COX7B2: variants seen among roughly 807,000 people sequenced by gnomAD.
The protein encoded by COX7B2 is cytochrome c oxidase subunit 7B2, mitochondrial.
For missense variants in COX7B2, 109 were observed against 95.9 expected, an observed-to-expected ratio of 1.14 and a Z score of -0.57; for synonymous variants, 37 against 32.1, an observed-to-expected ratio of 1.15 and a Z score of -0.51.
chr4:46,795,496 G>A (rs1212397892), intron 2 of COX7B2, among the ~76,000 whole-genome samples: 1 of 142,104 alleles, frequency 7.0e-6, no homozygotes, highest in Non-Finnish European at 1.5e-5. Flanking sequence ...GTTTGTCAAA[G>A]ATCAGATAGT....
At chr4:46,830,180 C>A (rs1029029770) in intron 2 of COX7B2, among the ~76,000 whole-genome samples, 6 of 151,576 alleles carry the variant, frequency 4.0e-5, no homozygotes, top group African/African-American at 1.4e-4. Flanking sequence ...AAAAATTAGC[C>A]GGGGGTGGTG....
chr4:46,848,643 G>A (rs1359272750), intron 1 of COX7B2, among the ~76,000 whole-genome samples: 1 of 151,952 alleles, frequency 6.6e-6, no homozygotes, highest in African/African-American at 2.4e-5. Flanking sequence ...TACACAAAGT[G>A]GAAAAGTAGG....
At chr4:46,888,595 C>T (rs769077577) in intron 1 of COX7B2, among the ~76,000 whole-genome samples, 1 of 151,944 alleles carries the variant, frequency 6.6e-6, no homozygotes, top group Non-Finnish European at 1.5e-5. Flanking sequence ...AGGCGCCCAC[C>T]ACCATGCCTG....
chr4:46,784,605 A>C (rs1717654914), intron 2 of COX7B2, among the ~76,000 whole-genome samples: 1 of 152,172 alleles, frequency 6.6e-6, no homozygotes, highest in African/African-American at 2.4e-5. Flanking sequence ...AGTCTGGGCG[A>C]CAGGGCAAGA....
At chr4:46,849,753 T>C (rs1421735744) in intron 1 of COX7B2, among the ~76,000 whole-genome samples, 4 of 152,062 alleles carry the variant, frequency 2.6e-5, no homozygotes, top group Non-Finnish European at 5.9e-5. Context: ...TAGTTACACA[T>C]GTATACATGT....
chr4:46,839,811 C>T (rs1715805817), intron 2 of COX7B2, among the ~76,000 whole-genome samples: 1 of 152,014 alleles, frequency 6.6e-6, no homozygotes, highest in African/African-American at 2.4e-5. Context: ...TGTGTCAATA[C>T]TTATATCTTA....
At chr4:46,800,253 A>G (rs1284633338) in intron 2 of COX7B2, among the ~76,000 whole-genome samples, 1 of 152,180 alleles carries the variant, frequency 6.6e-6, no homozygotes, top group Non-Finnish European at 1.5e-5. Flanking sequence ...TGTTCACAGA[A>G]TTAGAAAAAA....
intron 1 of COX7B2, among the ~76,000 whole-genome samples, chr4:46,878,521 C>A (rs1185708450): frequency 2.6e-5 from 4 of 151,674 alleles, no homozygotes; most frequent in African/African-American, 9.7e-5. Context: ...ATACACATTA[C>A]ATTTTAGATC....
At chr4:46,804,751 A>C (rs918122739) in intron 2 of COX7B2, among the ~76,000 whole-genome samples, 2 of 152,214 alleles carry the variant, frequency 1.3e-5, no homozygotes, top group African/African-American at 2.4e-5. Context: ...CAGACTCAGG[A>C]GCCCAGTTGG....
At chr4:46,736,580 C>T (rs527356440) in intron 2 of COX7B2, among the ~76,000 whole-genome samples, 1 of 152,060 alleles carries the variant, frequency 6.6e-6, no homozygotes, top group South Asian at 2.1e-4. Context: ...TCAAAAAGAA[C>T]AGTCTACAGG....
At chr4:46,759,731 C>G (rs1716016346) in intron 2 of COX7B2, among the ~76,000 whole-genome samples, 2 of 151,638 alleles carry the variant, frequency 1.3e-5, no homozygotes, top group Admixed American at 1.3e-4. Flanking sequence ...AATAGGAATA[C>G]TCTCAGGAAC....
At chr4:46,865,635 G>A (rs1717621950) in intron 1 of COX7B2, among the ~76,000 whole-genome samples, 1 of 152,046 alleles carries the variant, frequency 6.6e-6, no homozygotes, top group African/African-American at 2.4e-5. Context: ...GGGTGTAGAG[G>A]CCACTCTAAG....
chr4:46,746,442 T>C (rs905623986), intron 2 of COX7B2, among the ~76,000 whole-genome samples: 1 of 152,152 alleles, frequency 6.6e-6, no homozygotes, highest in Non-Finnish European at 1.5e-5. Flanking sequence ...AATCAGGGCA[T>C]TGACCAAAAG....
At chr4:46,901,277 A>C (rs1219618080) in intron 1 of COX7B2, among the ~76,000 whole-genome samples, 1 of 152,186 alleles carries the variant, frequency 6.6e-6, no homozygotes, top group Non-Finnish European at 1.5e-5. Flanking sequence ...TTATGGTCTC[A>C]CCGATGGACT....
chr4:46,808,347 A>C (rs1255982079), intron 2 of COX7B2, among the ~76,000 whole-genome samples: 1 of 151,658 alleles, frequency 6.6e-6, no homozygotes, highest in African/African-American at 2.4e-5. Flanking sequence ...TGTGTATATA[A>C]ATGCTGCTGA....
intron 2 of COX7B2, among the ~76,000 whole-genome samples, chr4:46,773,370 C>T (rs1413069875): frequency 3.3e-5 from 5 of 152,090 alleles, no homozygotes; most frequent in African/African-American, 1.2e-4. Context: ...CCCCTTTGCA[C>T]AGCACTTCTG....
At chr4:46,748,215 T>G (rs191252569) in intron 2 of COX7B2, among the ~76,000 whole-genome samples, 144 of 152,332 alleles carry the variant, frequency 9.5e-4, no homozygotes, top group African/African-American at 3.1e-3. Flanking sequence ...TTCCCTTAAG[T>G]ATGTCTTACA....
At chr4:46,888,630 T>A (rs1429159578) in intron 1 of COX7B2, among the ~76,000 whole-genome samples, 1 of 152,104 alleles carries the variant, frequency 6.6e-6, no homozygotes, top group South Asian at 2.1e-4. Context: ...ATTTTTTTAC[T>A]AGAGATGGGG....
intron 2 of COX7B2, among the ~76,000 whole-genome samples, chr4:46,767,043 A>C (rs1214732306): frequency 6.6e-6 from 1 of 152,224 alleles, no homozygotes; most frequent in Non-Finnish European, 1.5e-5. Context: ...AATAGATTAA[A>C]TACTCCAATC....
Sources: allele counts gnomAD v4.1 joint callset (sites outside exome capture counted in the v4.1 genomes callset), GRCh38; gene constraint gnomAD v4.1.1; transcripts MANE v1.5; gene names NCBI Gene and HGNC (gene_info 2026-07-23, HGNC 2026-07-21).